ESRRG: variants seen among roughly 807,000 people sequenced by gnomAD.
ESRRG encodes the protein estrogen-related receptor gamma.
In ESRRG, 13 loss-of-function variants were observed where a neutral mutation model predicts 44.0. The ratio of observed to expected loss-of-function variants is 0.30; its 90% CI spans 0.19 to 0.47. The LOEUF (loss-of-function observed/expected upper bound fraction) is 0.47. Among genes scored for constraint, ESRRG ranks in the 20% least tolerant of loss-of-function variants. The pLI is 1.00. For synonymous variants in ESRRG, 215 were observed against 214.6 expected (o/e 1.00, Z -0.02); for missense variants, 395 against 580.6 (o/e 0.68, Z 3.29).
At chr1:216,965,574 A>T (rs1409334320) in intron 1 of ESRRG, among the ~76,000 whole-genome samples, 2 of 152,100 alleles carry the variant, frequency 1.3e-5, no homozygotes, top group African/African-American at 4.8e-5. Flanking sequence ...TCTTCTAGGA[A>T]TTCCCTACTC....
chr1:217,048,949 T>G (rs1158291780), intron 1 of ESRRG, among the ~76,000 whole-genome samples: 1 of 152,184 alleles, frequency 6.6e-6, no homozygotes, highest in African/African-American at 2.4e-5. Context: ...CTTTGCCCAT[T>G]GGATAGTGAT....
chr1:216,785,734 AG>A (rs1197425211), intron 2 of ESRRG, among the ~76,000 whole-genome samples: 3 of 152,140 alleles, frequency 2.0e-5, no homozygotes, highest in Non-Finnish European at 4.4e-5. Flanking sequence ...ATTTTTAGCA[AG>A]TCATTAACCT....
At chr1:217,088,398 C>CTTT (rs71585811) in intron 1 of ESRRG, among the ~76,000 whole-genome samples, 627 of 59,722 alleles carry the variant, frequency 0.01, 95 homozygotes, top group African/African-American at 0.029. Flanking sequence ...TTTTTCCTGT[C>CTTT]TTTTTTTTTT....
intron 1 of ESRRG, among the ~76,000 whole-genome samples, chr1:217,121,534 A>G (rs1430858146): frequency 6.6e-6 from 1 of 152,208 alleles, no homozygotes; most frequent in African/African-American, 2.4e-5. Context: ...GAACTGAGAT[A>G]AAAACAGAGG....
intron 2 of ESRRG, among the ~76,000 whole-genome samples, chr1:216,835,379 G>T (rs1340085004): frequency 2.0e-5 from 3 of 152,162 alleles, no homozygotes; most frequent in Non-Finnish European, 4.4e-5. Context: ...ATCTGGACTG[G>T]TTACACTCAG....
At chr1:217,059,198 A>G (rs1024049888) in intron 1 of ESRRG, among the ~76,000 whole-genome samples, 2 of 149,970 alleles carry the variant, frequency 1.3e-5, no homozygotes, top group African/African-American at 4.9e-5. Flanking sequence ...CAGGTGAACT[A>G]TACTAGTTAC....
chr1:216,540,763 A>G (rs1018424117), intron 5 of ESRRG, among the ~76,000 whole-genome samples: 1 of 151,988 alleles, frequency 6.6e-6, no homozygotes, highest in Non-Finnish European at 1.5e-5. Flanking sequence ...TTATATCCCA[A>G]TGTGAACCTT....
chr1:216,521,771 C>T (rs1218438802), intron 5 of ESRRG, among the ~76,000 whole-genome samples: 1 of 152,124 alleles, frequency 6.6e-6, no homozygotes, highest in Non-Finnish European at 1.5e-5. Context: ...AGGGCCAGCA[C>T]TTTTACGGTT....
chr1:216,540,180 T>C (rs2052283499), intron 5 of ESRRG, among the ~76,000 whole-genome samples: 1 of 152,008 alleles, frequency 6.6e-6, no homozygotes, highest in Admixed American at 6.6e-5. Context: ...ATAGAATTCA[T>C]ATACTGTTAT....
intron 1 of ESRRG, among the ~76,000 whole-genome samples, chr1:217,032,586 T>C (rs780999362): frequency 1.2e-4 from 18 of 152,194 alleles, no homozygotes; most frequent in Admixed American, 2.6e-4. Context: ...GAAAAAATTA[T>C]ACAAATGGTA....
chr1:216,915,460 G>A (rs2061037242), intron 2 of ESRRG, among the ~76,000 whole-genome samples: 2 of 152,054 alleles, frequency 1.3e-5, no homozygotes, highest in Admixed American at 1.3e-4. Context: ...GAAGAAGGGA[G>A]AAGGTGCTCT....
intron 2 of ESRRG, among the ~76,000 whole-genome samples, chr1:216,876,889 T>C (rs1286216986): frequency 6.6e-6 from 1 of 152,050 alleles, no homozygotes; most frequent in East Asian, 1.9e-4. Flanking sequence ...CAAAAACAAA[T>C]GCATAGTGTC....
chr1:216,754,218 C>T (rs775965518), intron 2 of ESRRG, among the ~76,000 whole-genome samples: 3 of 152,138 alleles, frequency 2.0e-5, no homozygotes, highest in Non-Finnish European at 4.4e-5. Context: ...GTGACCTTGA[C>T]CCAGCCTATA....
intron 2 of ESRRG, among the ~76,000 whole-genome samples, chr1:216,660,981 C>T (rs1332325156): frequency 6.6e-6 from 1 of 151,928 alleles, no homozygotes; most frequent in African/African-American, 2.4e-5. Flanking sequence ...AAAAAGTAAT[C>T]CATAATCATG....
intron 5 of ESRRG, among the ~76,000 whole-genome samples, chr1:216,528,494 CA>C (rs2048348100): frequency 6.6e-6 from 1 of 152,048 alleles, no homozygotes; most frequent in African/African-American, 2.4e-5. Context: ...CCTAGTTGTA[CA>C]ATTATTTTGA....
intron 2 of ESRRG, among the ~76,000 whole-genome samples, chr1:216,656,261 T>C (rs138184552): frequency 6.0e-4 from 91 of 152,244 alleles, no homozygotes; most frequent in African/African-American, 2.1e-3. Flanking sequence ...AGGGACTGAA[T>C]TGGGCAGCTA....
chr1:216,539,430 C>A (rs1333572964), intron 5 of ESRRG, among the ~76,000 whole-genome samples: 2 of 151,870 alleles, frequency 1.3e-5, no homozygotes, highest in Non-Finnish European at 2.9e-5. Flanking sequence ...CTTGAAAATA[C>A]CAGGACAGTC....
chr1:216,778,269 T>C (rs955847296), intron 2 of ESRRG, among the ~76,000 whole-genome samples: 1 of 151,884 alleles, frequency 6.6e-6, no homozygotes, highest in African/African-American at 2.4e-5. Context: ...AGCTCCAAAG[T>C]TCAAATGCCT....
At chr1:216,736,701 C>T (rs565310331) in intron 2 of ESRRG, among the ~76,000 whole-genome samples, 1 of 152,218 alleles carries the variant, frequency 6.6e-6, no homozygotes, top group South Asian at 2.1e-4. Context: ...GGAACCGGTG[C>T]AGAGATTCCA....
Sources: allele counts gnomAD v4.1 joint callset (sites outside exome capture counted in the v4.1 genomes callset), GRCh38; gene constraint gnomAD v4.1.1; transcripts MANE v1.5; gene names NCBI Gene and HGNC (gene_info 2026-07-23, HGNC 2026-07-21).